OPHN1: variants seen among roughly 807,000 people sequenced by gnomAD.
OPHN1 encodes oligophrenin 1.
In OPHN1, 11 loss-of-function variants were observed where a neutral mutation model predicts 60.7. The observed-to-expected ratio is 0.18, with a 90% confidence interval of 0.11 to 0.30. OPHN1 has a LOEUF of 0.30. Among genes scored for constraint, OPHN1 ranks in the 10% least tolerant of loss-of-function variants. The pLI is 1.00. For synonymous variants in OPHN1, 226 were observed against 222.6 expected (o/e 1.02, Z -0.14); for missense variants, 449 against 611.0 (o/e 0.73, Z 2.80).
At chrX:68,190,624 G>A (rs1372756066) in intron 15 of OPHN1, among the ~76,000 whole-genome samples, 1 of 111,856 alleles carries the variant, frequency 8.9e-6, no homozygotes, top group Non-Finnish European at 1.9e-5. Flanking sequence ...ATTTGAAGGA[G>A]CCACTTCAGT....
At chrX:68,131,264 G>A (rs2077193498) in intron 15 of OPHN1, among the ~76,000 whole-genome samples, 1 of 108,494 alleles carries the variant, frequency 9.2e-6, no homozygotes, top group Admixed American at 9.9e-5. Flanking sequence ...TGTGGCCTAG[G>A]CTGGAGTGCA....
chrX:68,082,684 CATGGGCAGAGTAGATTTTGCATA>C (rs1306162662), intron 19 of OPHN1, among the ~76,000 whole-genome samples: 9 of 112,043 alleles, frequency 8.0e-5, no homozygotes, highest in African/African-American at 2.6e-4. Context: ...ACATATGGAG[CATGGGCAGAGTAGATTTTGCATA>C]ATTCTTAAGG....
chrX:68,075,228 T>A (rs1431594462), intron 19 of OPHN1, among the ~76,000 whole-genome samples: 2 of 112,184 alleles, frequency 1.8e-5, no homozygotes, highest in Non-Finnish European at 3.8e-5. Flanking sequence ...GTAGTATCCC[T>A]ACGTTGAGAA....
intron 6 of OPHN1, among the ~76,000 whole-genome samples, chrX:68,225,887 T>G (rs1021069934): frequency 7.1e-5 from 8 of 112,027 alleles, no homozygotes. Context: ...CTTTGATGAG[T>G]TGAGAGAAGA....
chrX:68,264,889 A>G (rs965039373), intron 5 of OPHN1, among the ~76,000 whole-genome samples: 1 of 112,586 alleles, frequency 8.9e-6, no homozygotes, highest in South Asian at 3.7e-4. Context: ...TATCCCATGC[A>G]TGGCTTGGAG....
At chrX:68,387,398 C>T (rs1007354764) in intron 2 of OPHN1, among the ~76,000 whole-genome samples, 1 of 111,418 alleles carries the variant, frequency 9.0e-6, no homozygotes, top group East Asian at 2.8e-4. Context: ...GCCCTGCTTC[C>T]ACTCTCATTC....
intron 5 of OPHN1, 58 bp downstream of exon 5, chrX:68,274,680 C>A: frequency 1.3e-6 from 1 of 782,564 alleles, no homozygotes; most frequent in Non-Finnish European, 2.0e-6. Flanking sequence ...AGAATAGTAG[C>A]CCATACAACT....
intron 19 of OPHN1, among the ~76,000 whole-genome samples, chrX:68,075,380 C>A (rs2076949773): frequency 8.9e-6 from 1 of 112,076 alleles, no homozygotes. Flanking sequence ...ATTTTGTTTG[C>A]AGGTATAAAG....
intron 6 of OPHN1, among the ~76,000 whole-genome samples, chrX:68,227,101 G>T (rs2077698453): frequency 9.0e-6 from 1 of 111,306 alleles, no homozygotes; most frequent in Non-Finnish European, 1.9e-5. Flanking sequence ...GGCATGGGTT[G>T]CAATCCTAGG....
At chrX:68,416,187 G>A (rs1215355938) in intron 2 of OPHN1, among the ~76,000 whole-genome samples, 4 of 105,504 alleles carry the variant, frequency 3.8e-5, no homozygotes, top group South Asian at 4.4e-4. Context: ...GATTACAGGC[G>A]ACCATCACCA....
At chrX:68,130,952 G>C (rs1340808820) in intron 15 of OPHN1, among the ~76,000 whole-genome samples, 1 of 110,870 alleles carries the variant, frequency 9.0e-6, no homozygotes, top group Non-Finnish European at 1.9e-5. Flanking sequence ...TGGTAGATTC[G>C]AGCCTTGGGG....
intron 2 of OPHN1, among the ~76,000 whole-genome samples, chrX:68,391,891 C>T: frequency 9.0e-6 from 1 of 111,439 alleles, no homozygotes; most frequent in East Asian, 2.8e-4. Flanking sequence ...CCCCCCAGAG[C>T]CTCGACGAGG....
At chrX:68,429,577 A>G (rs988642521) in intron 2 of OPHN1, among the ~76,000 whole-genome samples, 1 of 111,004 alleles carries the variant, frequency 9.0e-6, no homozygotes, top group African/African-American at 3.3e-5. Context: ...ATTAAAAATT[A>G]GCCAGGCATA....
At chrX:68,422,690 AAAG>A (rs1487237504) in intron 2 of OPHN1, among the ~76,000 whole-genome samples, 1 of 93,065 alleles carries the variant, frequency 1.1e-5, no homozygotes, top group South Asian at 5.9e-4. Context: ...GAAGAAAGAG[AAAG>A]AAGGAAAGAG....
chrX:68,370,046 A>AT (rs1459985342), intron 2 of OPHN1, among the ~76,000 whole-genome samples: 3 of 94,321 alleles, frequency 3.2e-5, no homozygotes, highest in South Asian at 5.1e-4. Flanking sequence ...ATATATATAG[A>AT]ACCTGTCAAC....
intron 6 of OPHN1, among the ~76,000 whole-genome samples, chrX:68,218,534 G>A (rs1178065598): frequency 9.1e-6 from 1 of 109,767 alleles, no homozygotes. Flanking sequence ...AGAGAGAAAG[G>A]TCGGGTTACC....
At position 68,338,018 on chromosome X, in the gene OPHN1, T is replaced by A. The variant is rs142225632; in HGVS notation, c.155-38922A>T. On this transcript the variant is annotated intron_variant, in intron 2 of 24. Transcript: ENST00000355520. ...GAATTCAACGATTCACTTTCTTTTT[T>A]TTTATTTATTTATTTTTTTTAGAGA... is the stretch of plus-strand genomic sequence containing the variant. 7.8e-3 allele frequency among the ~76,000 whole-genome samples: 870 copies of A among 111,436 alleles called. 7 individuals are homozygous for A. The highest frequency in any genetic ancestry group is 0.026 in the African/African-American group (800 of 30,786).
chrX:68,148,335 A>G (rs1250665483), intron 15 of OPHN1, among the ~76,000 whole-genome samples: 1 of 111,371 alleles, frequency 9.0e-6, no homozygotes, highest in African/African-American at 3.3e-5. Flanking sequence ...TTATGCCAAC[A>G]CTGTACAGAA....
At chrX:68,126,713 G>C (rs749375988) in intron 15 of OPHN1, among the ~76,000 whole-genome samples, 6 of 111,811 alleles carry the variant, frequency 5.4e-5, no homozygotes, top group Non-Finnish European at 1.1e-4. Flanking sequence ...CCAAAGTGCT[G>C]GGATTACAGG....
Sources: gnomAD v4.1 joint callset for allele counts (sites outside exome capture counted in the v4.1 genomes callset) on GRCh38, gnomAD v4.1.1 for gene constraint, MANE v1.5 for transcripts, NCBI Gene and HGNC (gene_info 2026-07-23, HGNC 2026-07-21) for gene names.